TRANK1: variants seen among roughly 807,000 people sequenced by gnomAD.
TRANK1 encodes tetratricopeptide repeat and ankyrin repeat containing 1.
Under a neutral mutation model 266.0 loss-of-function variants are expected in TRANK1, and 198 were observed. The observed-to-expected ratio is 0.74, with a 90% CI of 0.66 to 0.84. The LOEUF is 0.84. Among genes scored for constraint, TRANK1 ranks in the 40% least tolerant of loss-of-function variants. The pLI, the probability that TRANK1 is intolerant of heterozygous loss-of-function variation, is 0.00. For synonymous variants in TRANK1, 1,396 were observed against 1,384.1 expected, an observed-to-expected ratio of 1.01 and a Z score of -0.19; for missense variants, 3,326 against 3,634.6, an observed-to-expected ratio of 0.92 and a Z score of 2.18.
chr3:36,857,163 C>T lies in TRANK1; in HGVS notation c.2559G>A (p.Lys853=). ...CAAGGATGATTTTCTTCTTGATGAC[C>T]TTGGTCATTACCTTACTAGACAGCT... ...LKKLSSKVMT[K]VIKKKIILAI... is the part of the protein sequence containing the mutation. Residue 853 remains lysine (K), a synonymous_variant, in exon 13 of 24, where the codon AAG becomes AAA. Transcript: ENST00000645898. This position sits in a 1 kb window ranked among gnomAD's most constrained non-coding sequence, Gnocchi z 4.3. 2.5e-6 allele frequency: 4 copies of T among 1,613,978 alleles called. No individual in the cohort carries two copies. Among genetic ancestry groups the T allele is most frequent in the South Asian group, 2.2e-5 (2 of 91,088 alleles).
chr3:36,879,936 ATG>A lies in TRANK1; in HGVS notation c.908-5642_908-5641del, dbSNP rs1559449418. On this transcript the variant is annotated intron_variant, in intron 8 of 23. Coordinates refer to ENST00000645898, the MANE Select transcript of TRANK1 (RefSeq NM_001329998.2). Reference sequence around the variant, plus strand: ...CAAATATATGTAAACATGCAAATATATGTAAACATGCAAATATATGTAAACAT... The same window carrying A: ...CAAATATATGTAAACATGCAAATATATAAACATGCAAATATATGTAAACAT... Among the ~76,000 whole-genome samples the A allele has an allele frequency of 1.2e-3, 23 of 19,460 alleles. 5 individuals carry two copies. The highest frequency in any genetic ancestry group is 2.9e-3 in the African/African-American group (10 of 3,492). 12.8% of individuals were successfully genotyped at this position (19,460 alleles called of 152,430 possible).
At chr3:36,925,879 C>T (rs972720845) in intron 1 of TRANK1, among the ~76,000 whole-genome samples, 1 of 152,130 alleles carries the variant, frequency 6.6e-6, no homozygotes, top group Non-Finnish European at 1.5e-5. Context: ...CCACTGTGCC[C>T]GGCCGTTGAA....
At position 36,846,339 on chromosome 3, in the gene TRANK1, G is replaced by C. The variant is rs2078913982; in HGVS notation, c.5100C>G (p.Ile1700Met). ...AITRARVNLW[I>M]FDENREKRAP... ...CCCGTTTCTCTCGGTTTTCATCAAA[G>C]ATCCAGAGGTTGACCCGAGCCCGTG... The change falls in exon 17 of 24, where the codon ATC (isoleucine) becomes ATG (methionine). Residue 1700 changes from isoleucine to methionine, a missense_variant. By Grantham distance (10) the Ile-to-Met change is conservative (BLOSUM62 1). Coordinates refer to ENST00000645898, the MANE Select transcript of TRANK1 (RefSeq NM_001329998.2). 1 of 1,613,822 alleles carries C rather than the reference G, an allele frequency of 6.2e-7. No individual in the cohort carries two copies. The highest frequency in any genetic ancestry group is 2.2e-5 in the East Asian group (1 of 44,880).
chr3:36,879,849 T>TAAACATAC (rs1226575043), intron 8 of TRANK1, among the ~76,000 whole-genome samples: 2 of 111,682 alleles, frequency 1.8e-5, no homozygotes, highest in Non-Finnish European at 3.4e-5. Context: ...CAAATATATG[T>TAAACATAC]AAATATACAA....
intron 20 of TRANK1, 76 bp from the exon 21 acceptor site, chr3:36,834,983 A>G: frequency 2.2e-6 from 3 of 1,360,818 alleles, no homozygotes; most frequent in Non-Finnish European, 3.0e-6. Flanking sequence ...TACCACAAGT[A>G]ATAAAGAGGA....
intron 8 of TRANK1, among the ~76,000 whole-genome samples, chr3:36,888,936 C>T (rs2079647049): frequency 6.6e-6 from 1 of 152,132 alleles, no homozygotes; most frequent in Non-Finnish European, 1.5e-5. Context: ...CCCAACTACT[C>T]AGGAGAGGCT....
At chr3:36,925,592 C>CT (rs766901220) in intron 1 of TRANK1, among the ~76,000 whole-genome samples, 420 of 138,370 alleles carry the variant, frequency 3.0e-3, no homozygotes, top group East Asian at 0.02. Context: ...TTGAATCTTT[C>CT]TTTTTTTTTT....
rs1218647325 is a variant in TRANK1, at chr3:36,864,497, G to C, written c.1079-17C>G. 3.3e-6 allele frequency: 5 copies of C among 1,504,770 alleles called. No homozygotes were observed. The highest frequency in any genetic ancestry group is 2.5e-5 in the South Asian group (2 of 78,448). 93.2% of individuals were successfully genotyped at this position (1,504,770 alleles called of 1,614,324 possible). On this transcript the variant is annotated splice_polypyrimidine_tract_variant and intron_variant, in intron 9 of 23. Coordinates refer to ENST00000645898, the MANE Select transcript of TRANK1 (RefSeq NM_001329998.2). Reference sequence around the variant, plus strand: ...TGCTGAATCCTACAAAACAGCACCAGGTAATGCTTCTGAATACAGAAATTG... The same window carrying C: ...TGCTGAATCCTACAAAACAGCACCACGTAATGCTTCTGAATACAGAAATTG...
chr3:36,871,388 C>T (rs372862129), intron 9 of TRANK1, among the ~76,000 whole-genome samples: 1 of 152,138 alleles, frequency 6.6e-6, no homozygotes, highest in Non-Finnish European at 1.5e-5. Flanking sequence ...AACCCCGTCT[C>T]TTAAAAATAT....
intron 1 of TRANK1, among the ~76,000 whole-genome samples, chr3:36,916,724 C>T (rs577564290): frequency 2.0e-5 from 3 of 151,912 alleles, no homozygotes; most frequent in Non-Finnish European, 4.4e-5. Context: ...AAATGAACTC[C>T]AAGGCTTTTA....
chr3:36,832,558 T>A lies in TRANK1; in HGVS notation c.7025A>T (p.Asn2342Ile). Residue 2342 changes from asparagine to isoleucine, a missense_variant, in exon 22 of 24, where the codon AAC becomes ATC. Coordinates refer to ENST00000645898, the MANE Select transcript of TRANK1 (RefSeq NM_001329998.2). Reference sequence around the variant, plus strand: ...CAGCTTTTCAAACTCCTCCGGGTAGTTGGAAGAGAGAAGGAAAGCTTGCAT... The same window carrying A: ...CAGCTTTTCAAACTCCTCCGGGTAGATGGAAGAGAGAAGGAAAGCTTGCAT... The part of the protein sequence containing the change: ...SAMQAFLLSS[N>I]YPEEFEKLLH... 1 of 1,613,918 alleles carries A rather than the reference T, an allele frequency of 6.2e-7. No homozygotes were observed. Among genetic ancestry groups the A allele is most frequent in the African/African-American group, 1.3e-5 (1 of 75,020 alleles).
At chr3:36,850,054 C>T in intron 15 of TRANK1, 8 of 985,420 alleles carry the variant, frequency 8.1e-6, no homozygotes, top group Non-Finnish European at 9.6e-6. Context: ...ATAGAGCCAA[C>T]CACAATTTAC....
chr3:36,847,115 T>G, intron 16 of TRANK1, 85 bp downstream of exon 16: 1 of 1,449,772 alleles, frequency 6.9e-7, no homozygotes, highest in East Asian at 2.4e-5. Flanking sequence ...AAGTGCAAGC[T>G]CCATTTTTCC....
chr3:36,910,681 A>G (rs1351446501), intron 1 of TRANK1, among the ~76,000 whole-genome samples: 1 of 152,134 alleles, frequency 6.6e-6, no homozygotes, highest in Non-Finnish European at 1.5e-5. Flanking sequence ...GAGAGGTTGC[A>G]GTGAGCCAAG....
chr3:36,906,480 T>A (rs1028049393), intron 2 of TRANK1, among the ~76,000 whole-genome samples: 1 of 152,176 alleles, frequency 6.6e-6, no homozygotes, highest in Non-Finnish European at 1.5e-5. Flanking sequence ...GTTCTTTTTA[T>A]GGAAAAAGAC....
chr3:36,839,267 C>G (rs1311009914), intron 18 of TRANK1, among the ~76,000 whole-genome samples: 1 of 152,202 alleles, frequency 6.6e-6, no homozygotes, highest in Non-Finnish European at 1.5e-5. Flanking sequence ...ATAAGGTAGG[C>G]AAACAAATGT....
intron 1 of TRANK1, among the ~76,000 whole-genome samples, chr3:36,912,709 A>G (rs1260218743): frequency 6.6e-6 from 1 of 152,172 alleles, no homozygotes; most frequent in Admixed American, 6.5e-5. Context: ...CATTGTGTAT[A>G]CGTATACACA....
chr3:36,833,770 T>C lies in TRANK1; in HGVS notation c.5813A>G (p.Asp1938Gly). The C allele has an allele frequency of 6.2e-7, 1 of 1,614,038 alleles. No individual in the cohort carries two copies. Among genetic ancestry groups the C allele is most frequent in the Non-Finnish European group, 8.5e-7 (1 of 1,179,902 alleles). Reference sequence around the variant, plus strand: ...CCGAGACTTCAAGAACACCAGCTGGTCTTCTATGTCTAGCTTTGAGAGGAC... The same window carrying C: ...CCGAGACTTCAAGAACACCAGCTGGCCTTCTATGTCTAGCTTTGAGAGGAC... The part of the protein sequence containing the change: ...MAVLSKLDIE[D>G]QLVFLKSRKR... Residue 1938 changes from aspartate to glycine, a missense_variant, in exon 22 of 24, where the codon GAC becomes GGC. Transcript: ENST00000645898.
chr3:36,925,592 CTTTT>C (rs766901220), intron 1 of TRANK1, among the ~76,000 whole-genome samples: 3 of 138,362 alleles, frequency 2.2e-5, no homozygotes, highest in Non-Finnish European at 1.6e-5. Context: ...TTGAATCTTT[CTTTT>C]TTTTTTTTTT....
Sources: allele counts gnomAD v4.1 joint callset (sites outside exome capture counted in the v4.1 genomes callset), GRCh38; gene constraint gnomAD v4.1.1; non-coding constraint Gnocchi (gnomAD v3.1); transcripts MANE v1.5; gene names NCBI Gene and HGNC (gene_info 2026-07-23, HGNC 2026-07-21).